The following LMBR1 variants were observed in gnomAD, a reference collection of about 807,000 sequenced individuals.
LMBR1 encodes the protein limb development membrane protein 1.
In LMBR1, 52 loss-of-function variants were observed where a neutral mutation model predicts 73.9. The ratio of observed to expected loss-of-function variants is 0.70; its 90% CI spans 0.56 to 0.89. The LOEUF (loss-of-function observed/expected upper bound fraction) is 0.89, where lower values mean the gene tolerates loss of function less well. Ranked by LOEUF, LMBR1 falls within the 40% of genes least tolerant of loss-of-function variation. LMBR1 has a pLI of 0.00. For missense variants in LMBR1, 539 were observed against 579.8 expected (o/e 0.93, Z 0.72); for synonymous variants, 215 against 209.4 (o/e 1.03, Z -0.23).
chr7:156,746,833 G>A (rs1819944751), intron 9 of LMBR1, among the ~76,000 whole-genome samples: 1 of 152,050 alleles, frequency 6.6e-6, no homozygotes, highest in Non-Finnish European at 1.5e-5. Context: ...GGCATTATGT[G>A]GATTTAAGTT....
rs1370293514 is a variant in LMBR1 at position 156,736,456 on chromosome 7, T to C, written c.758-2199A>G. 3 of 451,182 alleles carry C rather than the reference T, an allele frequency of 6.6e-6. No individual in the cohort carries two copies. In the Admixed American group the frequency reaches 7.2e-5, roughly 11 times the overall value. The allele number at this position is 451,182 out of a possible 1,614,324, so 27.9% of individuals were successfully genotyped here. A position where few individuals can be genotyped will look rare whatever the true frequency, so the allele number is the denominator to read the frequency against. On this transcript the variant is annotated intron_variant, in intron 9 of 16. Transcript: ENST00000353442. ...TTTAAAGGTTTTATCTTTATCAAGA[T>C]GAAGCATGCACATAGCTCAAAGTGT...
Position 156,680,664 on chromosome 7 carries a change from G to T in LMBR1, c.*3414C>A, listed in dbSNP as rs1481737418. On this transcript the variant is annotated 3_prime_UTR_variant, in exon 17 of 17. Coordinates refer to ENST00000353442, the MANE Select transcript of LMBR1 (RefSeq NM_022458.4). ...TATCAATTATTGATGCTACATTGTG[G>T]GTTATAAGAAATTGATCTACCAATA... is the stretch of plus-strand genomic sequence containing the variant. The T allele has an allele frequency of 6.5e-6, 1 of 153,926 alleles. No homozygotes were observed. 9.5% of individuals were successfully genotyped at this position (153,926 alleles called of 1,614,324 possible).
At chr7:156,856,768 CTTTTA>C (rs1246711280) in intron 1 of LMBR1, among the ~76,000 whole-genome samples, 2 of 151,526 alleles carry the variant, frequency 1.3e-5, no homozygotes, top group Admixed American at 1.3e-4. Context: ...AAAATAAAGT[CTTTTA>C]TTTTCTTTTT....
chr7:156,839,012 G>C (rs1339261185), intron 1 of LMBR1, among the ~76,000 whole-genome samples: 1 of 140,678 alleles, frequency 7.1e-6, no homozygotes, highest in African/African-American at 2.6e-5. Context: ...CCATCTGTAT[G>C]TCTTCTTTTG....
intron 15 of LMBR1, among the ~76,000 whole-genome samples, chr7:156,723,723 T>A (rs1389490464): frequency 6.6e-6 from 1 of 152,108 alleles, no homozygotes; most frequent in Admixed American, 6.6e-5. Context: ...TTAAAATAAT[T>A]TACAAATTTT....
intron 15 of LMBR1, among the ~76,000 whole-genome samples, chr7:156,700,085 C>T (rs1400625888): frequency 6.6e-5 from 10 of 152,212 alleles, no homozygotes; most frequent in Non-Finnish European, 1.3e-4. Context: ...TATAAAGACA[C>T]ATGCACACGT....
chr7:156,729,330 T>A (rs1406706924), intron 10 of LMBR1, among the ~76,000 whole-genome samples: 2 of 152,082 alleles, frequency 1.3e-5, no homozygotes, highest in African/African-American at 4.8e-5. Flanking sequence ...TTCTACCATA[T>A]GTGGATTTTG....
chr7:156,780,658 C>T (rs573037588), intron 5 of LMBR1, among the ~76,000 whole-genome samples: 7 of 152,242 alleles, frequency 4.6e-5, no homozygotes, highest in Middle Eastern at 3.4e-3. Flanking sequence ...ACTTGCAGAG[C>T]TCCTACTAGT....
intron 1 of LMBR1, among the ~76,000 whole-genome samples, chr7:156,879,810 T>C (rs973097159): frequency 5.3e-5 from 8 of 152,160 alleles, no homozygotes; most frequent in African/African-American, 1.9e-4. Flanking sequence ...TGATACCACC[T>C]TACTCCTGCA....
intron 1 of LMBR1, among the ~76,000 whole-genome samples, chr7:156,848,732 G>C (rs1395997074): frequency 1.3e-5 from 2 of 152,026 alleles, no homozygotes; most frequent in Non-Finnish European, 2.9e-5. Context: ...AGGAGTTCTA[G>C]AACAACCTGG....
intron 4 of LMBR1, among the ~76,000 whole-genome samples, chr7:156,800,482 C>CAAAAAAAAAAAAAAAAAAAAAAAA (rs1245017996): frequency 4.9e-5 from 4 of 81,036 alleles, no homozygotes; most frequent in Non-Finnish European, 7.1e-5. Context: ...ACTTGCTACT[C>CAAAAAAAAAAAAAAAAAAAAAAAA]AAAAAAAAAA....
intron 1 of LMBR1, among the ~76,000 whole-genome samples, chr7:156,854,774 G>A (rs2134118980): frequency 6.6e-6 from 1 of 152,232 alleles, no homozygotes; most frequent in African/African-American, 2.4e-5. Flanking sequence ...CCCTCAATCA[G>A]GCTGGAGTAT....
chr7:156,891,389 G>A (rs531666077), intron 1 of LMBR1, among the ~76,000 whole-genome samples: 13 of 151,232 alleles, frequency 8.6e-5, no homozygotes, highest in African/African-American at 3.2e-4. Context: ...CACCGAGAAT[G>A]AATTATAACC....
chr7:156,831,339 G>A (rs1487966218), intron 3 of LMBR1, among the ~76,000 whole-genome samples: 1 of 145,900 alleles, frequency 6.9e-6, no homozygotes, highest in Non-Finnish European at 1.5e-5. Flanking sequence ...AAGTAGGTGA[G>A]AACTCTGTTT....
chr7:156,869,186 G>C (rs1174077849), intron 1 of LMBR1, among the ~76,000 whole-genome samples: 1 of 151,914 alleles, frequency 6.6e-6, no homozygotes, highest in African/African-American at 2.4e-5. Context: ...CATGCCTTAA[G>C]TTTCTTAAAT....
At chr7:156,892,845 CCGGGGA>C (rs1341100843) in intron 1 of LMBR1, 77 bp downstream of exon 1, 6 of 568,156 alleles carry the variant, frequency 1.1e-5, no homozygotes, top group East Asian at 5.6e-5. Context: ...GGTGAGGGGT[CCGGGGA>C]CCGGGGGCCC....
intron 4 of LMBR1, among the ~76,000 whole-genome samples, chr7:156,797,549 G>A (rs929502482): frequency 1.3e-5 from 2 of 152,204 alleles, no homozygotes; most frequent in African/African-American, 4.8e-5. Context: ...TCTGCTCTCA[G>A]AGCTGCTCAC....
intron 15 of LMBR1, among the ~76,000 whole-genome samples, chr7:156,694,647 T>A (rs1247047965): frequency 6.6e-6 from 1 of 152,148 alleles, no homozygotes; most frequent in South Asian, 2.1e-4. Context: ...ACATATGCAG[T>A]TGAAATGATC....
chr7:156,868,747 C>A (rs1360681580), intron 1 of LMBR1, among the ~76,000 whole-genome samples: 1 of 151,988 alleles, frequency 6.6e-6, no homozygotes, highest in Non-Finnish European at 1.5e-5. Context: ...GGGCAGATAG[C>A]TTGAGCCCAG....
Sources: allele counts gnomAD v4.1 joint callset (sites outside exome capture counted in the v4.1 genomes callset), GRCh38; gene constraint gnomAD v4.1.1; transcripts MANE v1.5; gene names NCBI Gene and HGNC (gene_info 2026-07-23, HGNC 2026-07-21).